The following DIAPH2 variants were observed in gnomAD, a reference collection of about 807,000 sequenced individuals.
DIAPH2 encodes protein diaphanous homolog 2.
A neutral mutation model predicts 92.7 loss-of-function variants in DIAPH2; 35 were observed. The ratio of observed to expected loss-of-function variants is 0.38; its 90% confidence interval spans 0.29 to 0.50. DIAPH2 has a LOEUF of 0.50. DIAPH2 is among the 20% of genes least tolerant of loss of function. DIAPH2 has a pLI of 0.94. For synonymous variants in DIAPH2, 301 were observed against 280.4 expected (o/e 1.07, Z -0.73); for missense variants, 701 against 819.5 (o/e 0.86, Z 1.77).
intron 25 of DIAPH2, among the ~76,000 whole-genome samples, chrX:97,427,709 C>G (rs1036290481): frequency 1.2e-5 from 1 of 81,968 alleles, no homozygotes; most frequent in Admixed American, 1.4e-4. Flanking sequence ...TAGATGGAAT[C>G]TCAGTCTGTT....
intron 3 of DIAPH2, among the ~76,000 whole-genome samples, chrX:96,744,817 C>T (rs1330325577): frequency 1.8e-5 from 2 of 111,245 alleles, no homozygotes; most frequent in Non-Finnish European, 3.8e-5. Context: ...GTACAAATAA[C>T]GTAAAAGGTG....
chrX:97,473,396 G>A (rs1325121061), intron 26 of DIAPH2, among the ~76,000 whole-genome samples: 1 of 111,478 alleles, frequency 9.0e-6, no homozygotes, highest in Non-Finnish European at 1.9e-5. Context: ...GTGCAATGGC[G>A]TAATCTCTGC....
At chrX:97,437,096 A>G (rs1420698872) in intron 26 of DIAPH2, among the ~76,000 whole-genome samples, 3 of 111,326 alleles carry the variant, frequency 2.7e-5, no homozygotes, top group East Asian at 5.7e-4. Context: ...ACTCAGCATC[A>G]TCTTGATGAC....
At position 97,473,543 on chromosome X, in the gene DIAPH2, T is replaced by C. The variant is rs1407429547; in HGVS notation, c.3241+43798T>C. On this transcript the variant is annotated intron_variant, in intron 26 of 26. Transcript: ENST00000324765. ...TAGAGACGGGGTTTCACCGTGTTGG[T>C]CAGGCTTGGTCTTGAACTCCTGACC... Among the ~76,000 whole-genome samples, 11 of 111,167 alleles carry C rather than the reference T, an allele frequency of 9.9e-5. No homozygotes were observed. The East Asian group carries it at 2.9e-3, about 29-fold the overall frequency.
At chrX:96,740,531 C>T (rs1379795276) in intron 3 of DIAPH2, among the ~76,000 whole-genome samples, 1 of 112,304 alleles carries the variant, frequency 8.9e-6, no homozygotes, top group Non-Finnish European at 1.9e-5. Context: ...TTGCTGTATT[C>T]AGTTTTTCTA....
intron 22 of DIAPH2, among the ~76,000 whole-genome samples, chrX:97,209,741 T>G (rs976954389): frequency 1.2e-4 from 13 of 111,191 alleles, no homozygotes; most frequent in African/African-American, 3.9e-4. Context: ...TCTCACTTAA[T>G]TTTTAAGTGA....
At chrX:96,855,491 C>A (rs1388374214) in intron 4 of DIAPH2, among the ~76,000 whole-genome samples, 3 of 108,903 alleles carry the variant, frequency 2.8e-5, no homozygotes, top group African/African-American at 1.0e-4. Context: ...TTTGTACAAA[C>A]CAATGCAGCA....
chrX:96,939,496 ATATG>A lies in DIAPH2; in HGVS notation c.1325+118_1325+121del, dbSNP rs199965313. The A allele has an allele frequency of 2.2e-3, 138 of 62,898 alleles. 4 individuals carry two copies. Among genetic ancestry groups the A allele is most frequent in the South Asian group, 0.012 (11 of 934 alleles). 5.2% of individuals were successfully genotyped at this position (62,898 alleles called of 1,213,427 possible). Reference sequence around the variant, plus strand: ...TGCATATGTGTGTGTATGTATATATATATGTATATATATATGTATGTATATATAT... The same window carrying A: ...TGCATATGTGTGTGTATGTATATATATATATATATATGTATGTATATATAT... On this transcript the variant is annotated intron_variant, in intron 12 of 26. Transcript: ENST00000324765.
intron 25 of DIAPH2, among the ~76,000 whole-genome samples, chrX:97,390,854 G>A (rs915272904): frequency 8.9e-6 from 1 of 112,105 alleles, no homozygotes; most frequent in African/African-American, 3.2e-5. Flanking sequence ...ATCCAAATAA[G>A]TTTTTATGCA....
intron 4 of DIAPH2, among the ~76,000 whole-genome samples, chrX:96,837,679 T>G (rs761910389): frequency 1.6e-3 from 177 of 111,577 alleles, no homozygotes; most frequent in Admixed American, 3.8e-3. Context: ...ACTTGGATTT[T>G]GGTTATAAAA....
At chrX:96,851,967 G>A (rs946059222) in intron 4 of DIAPH2, among the ~76,000 whole-genome samples, 3 of 111,667 alleles carry the variant, frequency 2.7e-5, no homozygotes, top group Non-Finnish European at 3.8e-5. Context: ...ATTGATGATC[G>A]TATTTTTTTG....
chrX:97,203,032 G>A (rs964724423), intron 22 of DIAPH2, among the ~76,000 whole-genome samples: 2 of 111,945 alleles, frequency 1.8e-5, no homozygotes, highest in South Asian at 7.4e-4. Flanking sequence ...AAAGTCACAC[G>A]ACTACGTGGA....
intron 4 of DIAPH2, among the ~76,000 whole-genome samples, chrX:96,816,903 T>C (rs1401052641): frequency 1.8e-5 from 2 of 112,117 alleles, no homozygotes; most frequent in Non-Finnish European, 3.8e-5. Flanking sequence ...ATAAAAAGAA[T>C]GAAATCCTGT....
At chrX:97,311,485 T>TG (rs1405527965) in intron 23 of DIAPH2, among the ~76,000 whole-genome samples, 1 of 111,020 alleles carries the variant, frequency 9.0e-6, no homozygotes, top group Non-Finnish European at 1.9e-5. Flanking sequence ...GACAACTTGG[T>TG]GGGGGGAAGC....
intron 17 of DIAPH2, among the ~76,000 whole-genome samples, chrX:97,012,338 C>G (rs1008175040): frequency 5.4e-5 from 6 of 111,637 alleles, no homozygotes; most frequent in South Asian, 3.8e-4. Context: ...TGTTCACAAC[C>G]ATCTGAAGTA....
At chrX:97,204,109 A>G (rs1238375288) in intron 22 of DIAPH2, among the ~76,000 whole-genome samples, 2 of 112,319 alleles carry the variant, frequency 1.8e-5, no homozygotes, top group Non-Finnish European at 3.8e-5. Context: ...AAGGCCTTCA[A>G]TAAAATTCAA....
intron 4 of DIAPH2, among the ~76,000 whole-genome samples, chrX:96,834,758 G>A (rs1014003541): frequency 3.6e-5 from 4 of 111,469 alleles, no homozygotes; most frequent in East Asian, 2.8e-4. Flanking sequence ...AAATGTTAGC[G>A]GGGCCAAACA....
Position 96,758,221 on chromosome X carries a change from A to G in DIAPH2, c.410A>G (p.Glu137Gly). 3 of 1,206,184 alleles carry G rather than the reference A, an allele frequency of 2.5e-6. No individual in the cohort carries two copies. The highest frequency in any genetic ancestry group is 3.4e-6 in the Non-Finnish European group (3 of 893,531). Residue 137 changes from glutamate to glycine, a missense_variant, in exon 4 of 27, where the codon GAG (glutamate) becomes GGG (glycine). Around this residue, in one of 3 missense-constraint regions of DIAPH2, gnomAD observed 131 missense variants for 145.6 expected, o/e 0.90. Coordinates refer to ENST00000324765, the MANE Select transcript of DIAPH2 (RefSeq NM_006729.5). ...LRNKDFTTKR[E>G]MVVQYISATA... Reference sequence around the variant, plus strand: ...AACAAAGACTTTACCACCAAACGTGAGATGGTTGTCCAGTATATTTCTGCC... The same window carrying G: ...AACAAAGACTTTACCACCAAACGTGGGATGGTTGTCCAGTATATTTCTGCC...
chrX:97,292,005 G>A (rs1017452701), intron 23 of DIAPH2, among the ~76,000 whole-genome samples: 2 of 110,569 alleles, frequency 1.8e-5, no homozygotes, highest in African/African-American at 3.3e-5. Context: ...CAGCCCTTCT[G>A]ACATTTACAC....
Sources: allele counts gnomAD v4.1 joint callset (sites outside exome capture counted in the v4.1 genomes callset), GRCh38; gene constraint gnomAD v4.1.1; regional missense constraint gnomAD v4.1.1; transcripts MANE v1.5; gene names NCBI Gene and HGNC (gene_info 2026-07-23, HGNC 2026-07-21).